Variants in FYCO1 observed in about 807,000 individuals in gnomAD.
The protein encoded by FYCO1 is FYVE and coiled-coil domain autophagy adaptor 1.
In FYCO1, 122 loss-of-function variants were observed where a neutral mutation model predicts 165.1. That is an observed-to-expected ratio of 0.74 (90% CI 0.64 to 0.86). The LOEUF (loss-of-function observed/expected upper bound fraction) is 0.86, where lower values mean the gene tolerates loss of function less well. Ranked by LOEUF, FYCO1 falls within the 40% of genes least tolerant of loss-of-function variation. The pLI is 0.00. For missense variants in FYCO1, 1,702 were observed against 1,810.3 expected, an observed-to-expected ratio of 0.94 and a Z score of 1.09; for synonymous variants, 648 against 742.5, an observed-to-expected ratio of 0.87 and a Z score of 2.07.
Position 45,965,139 on chromosome 3 carries a change from G to A in FYCO1, c.3058-14C>T. The A allele has an allele frequency of 6.2e-7, 1 of 1,605,400 alleles. No homozygotes were observed. The highest frequency in any genetic ancestry group is 1.7e-5 in the Admixed American group (1 of 60,010). Reference sequence around the variant, plus strand: ...TTCACCAGCATTCTAGAGAGGACAAGAAAGAAAGAGGACATAAAAGTAGGG... The same window carrying A: ...TTCACCAGCATTCTAGAGAGGACAAAAAAGAAAGAGGACATAAAAGTAGGG... On this transcript the variant is annotated splice_polypyrimidine_tract_variant and intron_variant, in intron 8 of 17. Coordinates refer to ENST00000296137, the MANE Select transcript of FYCO1 (RefSeq NM_024513.4).
chr3:45,957,781 G>A (rs1384625385), intron 13 of FYCO1, among the ~76,000 whole-genome samples: 3 of 152,270 alleles, frequency 2.0e-5, no homozygotes, highest in South Asian at 2.1e-4. Context: ...ACAGGGACCA[G>A]CTGCAGATGG....
At chr3:45,979,941 C>A (rs980735961) in intron 3 of FYCO1, 111 bp from the exon 4 acceptor site, 5 of 1,308,170 alleles carry the variant, frequency 3.8e-6, no homozygotes, top group Non-Finnish European at 5.5e-6. Context: ...CTGGGTGAGG[C>A]CCTTTATTGG....
At chr3:45,924,345 T>G (rs1169945650) in intron 16 of FYCO1, among the ~76,000 whole-genome samples, 5 of 152,162 alleles carry the variant, frequency 3.3e-5, no homozygotes, top group Non-Finnish European at 7.4e-5. Flanking sequence ...CTATTCACTC[T>G]CTGCCTTCCC....
Position 45,920,855 on chromosome 3 carries a change from T to C in FYCO1, c.*910A>G, listed in dbSNP as rs1310720650. The stretch of plus-strand genomic sequence containing the variant: ...TCTGCAGGTGGGGCAGAAGCTCTTA[T>C]TTATATAAACAAAAGTGGGCCATCA... On this transcript the variant is annotated 3_prime_UTR_variant, in exon 18 of 18. Transcript: ENST00000296137. 6.5e-6 allele frequency: 1 copy of C among 152,678 alleles called. No homozygotes were observed. Among genetic ancestry groups the C allele is most frequent in the Non-Finnish European group, 1.5e-5 (1 of 68,060 alleles). 9.5% of individuals were successfully genotyped at this position (152,678 alleles called of 1,614,324 possible). A position where few individuals can be genotyped will look rare whatever the true frequency, so the allele number is the denominator to read the frequency against.
Position 45,968,501 on chromosome 3 carries a change from C to T in FYCO1, c.833G>A (p.Arg278Lys), listed in dbSNP as rs753095430. Residue 278 changes from arginine to lysine, a missense_variant, in exon 8 of 18, where the codon AGG becomes AAG. By Grantham distance (26) the Arg-to-Lys change is conservative (BLOSUM62 2). Coordinates refer to ENST00000296137, the MANE Select transcript of FYCO1 (RefSeq NM_024513.4). ...CTCCGCTGCAGTGCGCCCCCTCTCC[C>T]TCTCTGTCTGCAGTTGCTCCCCTTG... ...SQQGEQLQTERERGRTAAEDN... is the reference protein window; with the variant it reads ...SQQGEQLQTEKERGRTAAEDN... 1.6e-5 allele frequency: 26 copies of T among 1,613,974 alleles called. No individual in the cohort carries two copies. The highest frequency in any genetic ancestry group is 1.9e-5 in the Non-Finnish European group (22 of 1,180,040).
intron 14 of FYCO1, among the ~76,000 whole-genome samples, chr3:45,951,129 C>A (rs771166830): frequency 1.3e-5 from 2 of 152,284 alleles, no homozygotes; most frequent in Middle Eastern, 3.4e-3. Context: ...GACTGGGCTG[C>A]GCAGTGCAAG....
At chr3:45,940,173 A>G (rs1704139468) in intron 14 of FYCO1, among the ~76,000 whole-genome samples, 2 of 152,260 alleles carry the variant, frequency 1.3e-5, no homozygotes, top group Admixed American at 1.3e-4. Context: ...CTAGGCAGAC[A>G]TGAGCAGGGC....
At position 45,968,269 on chromosome 3, in the gene FYCO1, C is replaced by T. The variant is rs1272765033; in HGVS notation, c.1065G>A (p.Arg355=). 11 of 1,613,860 alleles carry T rather than the reference C, an allele frequency of 6.8e-6. No homozygotes were observed. Among genetic ancestry groups the T allele is most frequent in the Non-Finnish European group, 9.3e-6 (11 of 1,180,034 alleles). The change falls in exon 8 of 18, where the codon CGG becomes CGA. Residue 355 remains arginine, a synonymous_variant. Transcript: ENST00000296137. ...QPLAQELEAT[R]DSLDKKNQHL... is the part of the protein sequence containing the mutation. ...GCTGGTTTTTCTTGTCCAGTGAGTC[C>T]CGTGTGGCCTCAAGCTCCTGTGCCA...
intron 5 of FYCO1, among the ~76,000 whole-genome samples, chr3:45,974,577 T>C (rs1706627084): frequency 6.6e-6 from 1 of 152,190 alleles, no homozygotes; most frequent in Admixed American, 6.5e-5. Context: ...CAAAAAAATT[T>C]GGAATACTCC....
At chr3:45,974,950 A>T in intron 5 of FYCO1, among the ~76,000 whole-genome samples, 1 of 152,162 alleles carries the variant, frequency 6.6e-6, no homozygotes, top group Non-Finnish European at 1.5e-5. Flanking sequence ...CATGCCATCC[A>T]CCAGGGAAAA....
Position 45,973,210 on chromosome 3 carries a change from G to C in FYCO1, c.417C>G (p.Ser139Arg), listed in dbSNP as rs201908805. Residue 139 changes from serine (S) to arginine (R), a missense_variant, in exon 6 of 18, where the codon AGC becomes AGG. By Grantham distance (110) the Ser-to-Arg change is moderately radical. Coordinates refer to ENST00000296137, the MANE Select transcript of FYCO1 (RefSeq NM_024513.4). ...AGCTCAGCTTTGGCTGCAGAAAGGG[G>C]CTTCTTGCATAGTACCAGTCACTGC... The part of the protein sequence containing the change: ...KVTSDWYYAR[S>R]PFLQPKLSSD... 1 of 1,614,020 alleles carries C rather than the reference G, an allele frequency of 6.2e-7. No individual in the cohort carries two copies. Among genetic ancestry groups the C allele is most frequent in the African/African-American group, 1.3e-5 (1 of 74,924 alleles).
intron 14 of FYCO1, among the ~76,000 whole-genome samples, chr3:45,949,159 A>G (rs1704833652): frequency 6.6e-6 from 1 of 152,126 alleles, no homozygotes; most frequent in Non-Finnish European, 1.5e-5. Context: ...ACATGATCCT[A>G]CCTACTGTTT....
At chr3:45,976,139 T>C (rs1473963944) in intron 4 of FYCO1, among the ~76,000 whole-genome samples, 1 of 152,148 alleles carries the variant, frequency 6.6e-6, no homozygotes, top group Non-Finnish European at 1.5e-5. Context: ...TCTCACAAGT[T>C]TGGCATGGAT....
Position 45,966,479 on chromosome 3 carries a change from G to A in FYCO1, c.2855C>T (p.Ala952Val), listed in dbSNP as rs1205662295. 2.5e-6 allele frequency: 4 copies of A among 1,610,208 alleles called. No homozygotes were observed. Among genetic ancestry groups the A allele is most frequent in the Non-Finnish European group, 3.4e-6 (4 of 1,176,934 alleles). Residue 952 changes from alanine (A) to valine (V), a missense_variant, in exon 8 of 18, where the codon GCT becomes GTT. Transcript: ENST00000296137. ...REREGLERQV[A>V]GLQQEKESLQ... ...GCTCTCCTTCTCTTGCTGCAGCCCA[G>A]CTACTTGGCGCTCCAGGCCCTCTCG...
At chr3:45,973,921 C>T (rs1355491665) in intron 5 of FYCO1, among the ~76,000 whole-genome samples, 1 of 151,946 alleles carries the variant, frequency 6.6e-6, no homozygotes, top group Non-Finnish European at 1.5e-5. Flanking sequence ...ATTAGCTGAG[C>T]ATGGTGGCAT....
At position 45,966,851 on chromosome 3, in the gene FYCO1, T is replaced by C. The variant is rs1706059302; in HGVS notation, c.2483A>G (p.Gln828Arg). Residue 828 changes from glutamine (Q) to arginine (R), a missense_variant, in exon 8 of 18, where the codon CAG becomes CGG. Physicochemically the swap from Gln to Arg is conservative, Grantham distance 43 (BLOSUM62 1). Transcript: ENST00000296137. ...AVLREHKTLVQQLKEQNEALN... is the reference protein window; with the variant it reads ...AVLREHKTLVRQLKEQNEALN... ...GGCTTCATTCTGCTCCTTCAGCTGC[T>C]GCACAAGGGTTTTGTGCTCCCTCAG... The C allele has an allele frequency of 3.1e-6, 5 of 1,612,328 alleles. No individual in the cohort carries two copies. The highest frequency in any genetic ancestry group is 4.2e-6 in the Non-Finnish European group (5 of 1,180,046).
chr3:45,975,251 G>C lies in FYCO1; in HGVS notation c.383C>G (p.Thr128Ser). 1 of 1,611,188 alleles carries C rather than the reference G, an allele frequency of 6.2e-7. No individual in the cohort carries two copies. Among genetic ancestry groups the C allele is most frequent in the East Asian group, 2.2e-5 (1 of 44,866 alleles). ...ADTLQQCFMN[T>S]KVTSDWYYAR... Reference sequence around the variant, plus strand: ...GTCCTGTATTTACCTGGTCACTTTGGTGTTCATGAAGCACTGCTGTAAGGT... The same window carrying C: ...GTCCTGTATTTACCTGGTCACTTTGCTGTTCATGAAGCACTGCTGTAAGGT... Residue 128 changes from threonine (T) to serine (S), a missense_variant, in exon 5 of 18, where the codon ACC (threonine) becomes AGC (serine). By Grantham distance (58) the Thr-to-Ser change is moderately conservative. Transcript: ENST00000296137.
intron 16 of FYCO1, among the ~76,000 whole-genome samples, 158 bp downstream of exon 16, chr3:45,930,913 C>A (rs1241510384): frequency 6.6e-6 from 1 of 152,198 alleles, no homozygotes; most frequent in African/African-American, 2.4e-5. Flanking sequence ...TGGACAAGGC[C>A]CAGGTGCTCT....
rs761520600 is a variant in FYCO1 at position 45,967,213 on chromosome 3, G to A, written c.2121C>T (p.Gly707=). The part of the protein sequence containing the change: ...EKEAILQSKE[G]ECQQLREEVE... ...CCTCCTCCCGCAGCTGCTGACACTC[G>A]CCCTCCTTGCTCTGTAGAATGGCCT... is the stretch of plus-strand genomic sequence containing the variant. Residue 707 remains glycine, a synonymous_variant, in exon 8 of 18, where the codon GGC becomes GGT. Transcript: ENST00000296137. 19 of 1,613,834 alleles carry A rather than the reference G, an allele frequency of 1.2e-5. No individual in the cohort carries two copies. The Middle Eastern group carries it at 8.2e-4, about 70-fold the overall frequency.
Sources: allele counts gnomAD v4.1 joint callset (sites outside exome capture counted in the v4.1 genomes callset), GRCh38; gene constraint gnomAD v4.1.1; transcripts MANE v1.5; gene names NCBI Gene and HGNC (gene_info 2026-07-23, HGNC 2026-07-21).